Variants in RLIM observed in about 807,000 individuals in gnomAD.
The protein encoded by RLIM is ring finger protein, LIM domain interacting.
Under a neutral mutation model 34.0 loss-of-function variants are expected in RLIM, and 2 were observed. The observed-to-expected ratio is 0.06, with a 90% CI of 0.02 to 0.19. The LOEUF is 0.19. RLIM is among the 10% of genes least tolerant of loss of function. RLIM has a pLI of 1.00. For missense variants in RLIM, 286 were observed against 479.7 expected (o/e 0.60, Z 3.77); for synonymous variants, 169 against 164.0 (o/e 1.03, Z -0.23).
Position 74,589,203 on chromosome X carries a change from T to C in RLIM, c.*2237A>G, listed in dbSNP as rs1357155393. ...CAATAACTTTCTCTTATGCTTAGAA[T>C]GTGCTGCAATTGTTTTTAAACTATT... On this transcript the variant is annotated 3_prime_UTR_variant, in exon 4 of 4. Coordinates refer to ENST00000332687, the MANE Select transcript of RLIM (RefSeq NM_016120.4). 2 of 111,638 alleles carry C rather than the reference T, an allele frequency of 1.8e-5. No individual in the cohort carries two copies. Among genetic ancestry groups the C allele is most frequent in the Non-Finnish European group, 3.8e-5 (2 of 53,166 alleles). The allele number at this position is 111,638 out of a possible 1,213,427, so 9.2% of individuals were successfully genotyped here. A position where few individuals can be genotyped will look rare whatever the true frequency, so the allele number is the denominator to read the frequency against.
At chrX:74,597,186 G>A (rs962214070) in intron 1 of RLIM, among the ~76,000 whole-genome samples, 24 of 112,078 alleles carry the variant, frequency 2.1e-4, no homozygotes, top group Admixed American at 7.6e-4. Flanking sequence ...GAGGAAAGCT[G>A]TTTATTGATG....
rs181446474 is a variant in RLIM at position 74,597,413 on chromosome X, T to C, written c.-23-1413A>G. On this transcript the variant is annotated intron_variant, in intron 1 of 3. Coordinates refer to ENST00000332687, the MANE Select transcript of RLIM (RefSeq NM_016120.4). Reference sequence around the variant, plus strand: ...AATGTAACTGATACTACTTAAGTTATTGTTTATTCAAAGAGCCAAGTGTTG... The same window carrying C: ...AATGTAACTGATACTACTTAAGTTACTGTTTATTCAAAGAGCCAAGTGTTG... Among the ~76,000 whole-genome samples, 23 of 112,186 alleles carry C rather than the reference T, an allele frequency of 2.1e-4. No homozygotes were observed. The East Asian group carries it at 3.9e-3, about 19-fold the overall frequency.
Position 74,583,414 on chromosome X carries a change from G to A in RLIM, c.*8026C>T. On this transcript the variant is annotated 3_prime_UTR_variant, in exon 4 of 4. Transcript: ENST00000332687. ...GCAGGCTGTTGCACTGTAACTTGTGGCTGTGCATTAAGATGTTGCTGAGGA... is the reference window on the plus strand; with the variant it reads ...GCAGGCTGTTGCACTGTAACTTGTGACTGTGCATTAAGATGTTGCTGAGGA... 4.1e-6 allele frequency: 3 copies of A among 728,724 alleles called. No individual in the cohort carries two copies. The allele number at this position is 728,724 out of a possible 1,213,427, so 60.1% of individuals were successfully genotyped here.
intron 3 of RLIM, among the ~76,000 whole-genome samples, chrX:74,593,411 T>C (rs956382000): frequency 7.1e-5 from 8 of 112,376 alleles, no homozygotes; most frequent in East Asian, 5.6e-4. Flanking sequence ...GTAATCAAAC[T>C]AGGTAAGGAA....
At chrX:74,594,464 A>C (rs753499171) in intron 2 of RLIM, 75 bp from the exon 3 acceptor site, 3 of 610,486 alleles carry the variant, frequency 4.9e-6, no homozygotes, top group Non-Finnish European at 7.3e-6. Context: ...GACTCACAGT[A>C]ATCTGACACA....
At chrX:74,605,943 C>T (rs2079680528) in intron 1 of RLIM, among the ~76,000 whole-genome samples, 1 of 111,990 alleles carries the variant, frequency 8.9e-6, no homozygotes, top group Non-Finnish European at 1.9e-5. Flanking sequence ...ATCCAGGTCT[C>T]TGCATTCCAA....
chrX:74,597,374 T>C (rs1244822115), intron 1 of RLIM, among the ~76,000 whole-genome samples: 8 of 112,309 alleles, frequency 7.1e-5, no homozygotes, highest in East Asian at 5.6e-4. Context: ...TCTTTGGCTC[T>C]TGATTTGTTG....
At chrX:74,593,774 T>C in intron 3 of RLIM, among the ~76,000 whole-genome samples, 1 of 112,129 alleles carries the variant, frequency 8.9e-6, no homozygotes, top group East Asian at 2.8e-4. Context: ...AGACCTGAGG[T>C]TAGAGCAGGA....
chrX:74,608,280 G>A (rs1382818451), intron 1 of RLIM, among the ~76,000 whole-genome samples: 1 of 111,287 alleles, frequency 9.0e-6, no homozygotes, highest in Non-Finnish European at 1.9e-5. Context: ...ACCACATTAC[G>A]ATATTAAGAA....
intron 2 of RLIM, 128 bp from the exon 3 acceptor site, chrX:74,594,517 T>C: frequency 2.2e-6 from 1 of 456,459 alleles, no homozygotes. Flanking sequence ...GAGAAAACTT[T>C]TTCAAACCAA....
At chrX:74,612,283 G>C (rs1377314277) in intron 1 of RLIM, among the ~76,000 whole-genome samples, 1 of 112,064 alleles carries the variant, frequency 8.9e-6, no homozygotes, top group African/African-American at 3.2e-5. Flanking sequence ...TTCCAACAAT[G>C]ATATAAGACA....
At chrX:74,610,468 C>CAAA (rs755948111) in intron 1 of RLIM, among the ~76,000 whole-genome samples, 212 of 91,584 alleles carry the variant, frequency 2.3e-3, no homozygotes, top group African/African-American at 7.7e-3. Context: ...CAAAAAAAAC[C>CAAA]AAAAAAAAAA....
chrX:74,591,882 C>T lies in RLIM; in HGVS notation c.1433G>A (p.Ser478Asn), dbSNP rs1473024137. 1 of 1,209,453 alleles carries T rather than the reference C, an allele frequency of 8.3e-7. No homozygotes were observed. The highest frequency in any genetic ancestry group is 3.0e-5 in the East Asian group (1 of 33,762). Residue 478 changes from serine (S) to asparagine (N), a missense_variant, in exon 4 of 4, where the codon AGT becomes AAT. By Grantham distance (46) the Ser-to-Asn change is conservative. Transcript: ENST00000332687. ...SSSSSSSSSP[S>N]SSSGGESSET... The stretch of plus-strand genomic sequence containing the variant: ...TGAACTTTCACCACCGGAACTGGAA[C>T]TAGGACTGGAACTGGAACTTGAACT...
At chrX:74,608,427 TAAA>T (rs763197483) in intron 1 of RLIM, among the ~76,000 whole-genome samples, 1 of 77,884 alleles carries the variant, frequency 1.3e-5, no homozygotes, top group African/African-American at 4.5e-5. Flanking sequence ...AAAGCATTCC[TAAA>T]AAAAAAAAAA....
At position 74,589,891 on chromosome X, in the gene RLIM, A is replaced by T. The variant is rs980683570; in HGVS notation, c.*1549T>A. ...TTACTCTTACTACTAAGAAACCAAC[A>T]TAAAGTGCATGTCCATAGATAGCGA... On this transcript the variant is annotated 3_prime_UTR_variant, in exon 4 of 4. Transcript: ENST00000332687. 1 of 112,514 alleles carries T rather than the reference A, an allele frequency of 8.9e-6. No homozygotes were observed. Among genetic ancestry groups the T allele is most frequent in the African/African-American group, 3.2e-5 (1 of 31,000 alleles). 9.3% of individuals were successfully genotyped at this position (112,514 alleles called of 1,213,427 possible).
At chrX:74,596,802 T>C (rs1214313654) in intron 1 of RLIM, among the ~76,000 whole-genome samples, 2 of 111,083 alleles carry the variant, frequency 1.8e-5, no homozygotes, top group Non-Finnish European at 3.8e-5. Context: ...GTTGCAGTGA[T>C]GTAGCTATAA....
chrX:74,596,393 C>T (rs2079640339), intron 1 of RLIM, among the ~76,000 whole-genome samples: 1 of 111,697 alleles, frequency 9.0e-6, no homozygotes, highest in Admixed American at 9.5e-5. Context: ...CGACAGGCAC[C>T]TGCCACCACG....
At position 74,604,447 on chromosome X, in the gene RLIM, TAG is replaced by T. The variant is rs773544351; in HGVS notation, c.-23-8449_-23-8448del. ...AGCTTTAAAGTATTTCTTTGTAAGA[TAG>T]AGAAATCCCAAATAGGGAGAGTTTC... On this transcript the variant is annotated intron_variant, in intron 1 of 3. Coordinates refer to ENST00000332687, the MANE Select transcript of RLIM (RefSeq NM_016120.4). Among the ~76,000 whole-genome samples, 950 of 111,577 alleles carry T rather than the reference TAG, an allele frequency of 8.5e-3. 14 individuals are homozygous for T. Among genetic ancestry groups the T allele is most frequent in the African/African-American group, 0.03 (904 of 30,384 alleles).
In RLIM at chrX:74,594,373, T is replaced by C. The variant is rs373937033; in HGVS notation, c.186A>G (p.Glu62=). ...TTTGCTGTAGTCGTCTCAGCAACTC[T>C]TCCTCAGTACTTTCACCTGAAATTT... ...LLGTPGESTE[E]ELLRRLQQIK... The change falls in exon 3 of 4, where the codon GAA becomes GAG. Residue 62 remains glutamate (E), a synonymous_variant. Coordinates refer to ENST00000332687, the MANE Select transcript of RLIM (RefSeq NM_016120.4). 2.5e-6 allele frequency: 3 copies of C among 1,201,600 alleles called. No individual in the cohort carries two copies. In the African/African-American group the frequency reaches 5.3e-5, roughly 21 times the overall value.
Sources: allele counts gnomAD v4.1 joint callset (sites outside exome capture counted in the v4.1 genomes callset), GRCh38; gene constraint gnomAD v4.1.1; transcripts MANE v1.5; gene names NCBI Gene and HGNC (gene_info 2026-07-23, HGNC 2026-07-21).